The following PAK1 variants were observed in gnomAD, a reference collection of about 807,000 sequenced individuals.
PAK1 encodes the protein p21 (RAC1) activated kinase 1.
Under a neutral mutation model 67.4 loss-of-function variants are expected in PAK1, and 29 were observed. That is an observed-to-expected ratio of 0.43 (90% CI 0.32 to 0.59). PAK1 has a LOEUF of 0.59. Among genes scored for constraint, PAK1 ranks in the 20% least tolerant of loss-of-function variants. The probability of loss-of-function intolerance (pLI) is 0.07; values close to 1 mark genes in which losing one functional copy is unlikely to be tolerated. For synonymous variants in PAK1, 223 were observed against 237.4 expected, an observed-to-expected ratio of 0.94 and a Z score of 0.56; for missense variants, 337 against 670.7, an observed-to-expected ratio of 0.50 and a Z score of 5.50.
intron 5 of PAK1, among the ~76,000 whole-genome samples, chr11:77,368,577 T>G (rs1947932505): frequency 6.6e-6 from 1 of 152,180 alleles, no homozygotes; most frequent in African/African-American, 2.4e-5. Flanking sequence ...AAGACAATGG[T>G]GAAGGAAGAT....
chr11:77,495,161 C>CAA, the PAK1 span, among the ~76,000 whole-genome samples: 1 of 135,728 alleles, frequency 7.4e-6, no homozygotes, highest in Non-Finnish European at 1.6e-5. Context: ...GACTCTGTCT[C>CAA]AAAAAAAAAA....
chr11:77,381,707 C>T (rs559955415), intron 2 of PAK1, among the ~76,000 whole-genome samples: 3 of 152,322 alleles, frequency 2.0e-5, no homozygotes, highest in Middle Eastern at 3.4e-3. Context: ...ATAAATACTA[C>T]TACTGTCATT....
At chr11:77,332,374 GA>G (rs1362121321) in intron 14 of PAK1, among the ~76,000 whole-genome samples, 1 of 1,014 alleles carries the variant, frequency 9.9e-4, no homozygotes, top group Non-Finnish European at 2.4e-3. Flanking sequence ...GAAAGGAAGG[GA>G]AGGGAAGGGA....
intron 13 of PAK1, among the ~76,000 whole-genome samples, chr11:77,333,477 C>T (rs1186203992): frequency 2.0e-5 from 3 of 152,064 alleles, no homozygotes; most frequent in Admixed American, 2.0e-4. Context: ...GGATTACAGG[C>T]GTGAGTCACT....
At chr11:77,402,064 A>C (rs781205736) in intron 1 of PAK1, among the ~76,000 whole-genome samples, 7 of 152,252 alleles carry the variant, frequency 4.6e-5, no homozygotes, top group Non-Finnish European at 7.4e-5. Context: ...AAACACCTTT[A>C]TTTTATGGGA....
At chr11:77,450,739 C>G (rs1956817162) in intron 1 of PAK1, among the ~76,000 whole-genome samples, 1 of 152,168 alleles carries the variant, frequency 6.6e-6, no homozygotes, top group African/African-American at 2.4e-5. Context: ...AGACAGAGAT[C>G]ACAATGAAAA....
At chr11:77,489,862 G>C in the PAK1 span, among the ~76,000 whole-genome samples, 1 of 152,136 alleles carries the variant, frequency 6.6e-6, no homozygotes, top group East Asian at 1.9e-4. Context: ...GCCTCTGCCC[G>C]GCCACCACCC....
At chr11:77,517,531 G>T in the PAK1 span, among the ~76,000 whole-genome samples, 2 of 152,302 alleles carry the variant, frequency 1.3e-5, no homozygotes, top group African/African-American at 4.8e-5. Flanking sequence ...TTGGTCCTAG[G>T]TCAGCAGTCC....
intron 9 of PAK1, among the ~76,000 whole-genome samples, chr11:77,347,560 CATG>C (rs2136344733): frequency 6.6e-6 from 1 of 152,244 alleles, no homozygotes; most frequent in South Asian, 2.1e-4. Context: ...ATTAAAATGC[CATG>C]ATAATATTAT....
At chr11:77,527,343 T>A in the PAK1 span, among the ~76,000 whole-genome samples, 5 of 152,174 alleles carry the variant, frequency 3.3e-5, no homozygotes, top group Non-Finnish European at 7.3e-5. Context: ...GCTCAAGTAA[T>A]CTGCCCACCT....
intron 1 of PAK1, among the ~76,000 whole-genome samples, chr11:77,438,054 T>C (rs1956205488): frequency 6.6e-6 from 1 of 152,028 alleles, no homozygotes; most frequent in African/African-American, 2.4e-5. Context: ...CATCTATTTC[T>C]TTTCCAGCAT....
At chr11:77,344,345 A>C (rs1365928457) in intron 9 of PAK1, among the ~76,000 whole-genome samples, 1 of 152,260 alleles carries the variant, frequency 6.6e-6, no homozygotes, top group Non-Finnish European at 1.5e-5. Context: ...GCAAAAGCCA[A>C]GAATGCTTTC....
chr11:77,391,654 T>A (rs928794740), intron 2 of PAK1, among the ~76,000 whole-genome samples: 1 of 152,254 alleles, frequency 6.6e-6, no homozygotes, highest in Non-Finnish European at 1.5e-5. Flanking sequence ...ACCTTTATTT[T>A]ACAACCTTGT....
chr11:77,383,594 G>T (rs1950110804), intron 2 of PAK1, among the ~76,000 whole-genome samples: 1 of 152,112 alleles, frequency 6.6e-6, no homozygotes, highest in South Asian at 2.1e-4. Flanking sequence ...CAAAGTGCTG[G>T]TATTACAGGC....
At chr11:77,394,648 C>T (rs1951601098) in intron 1 of PAK1, among the ~76,000 whole-genome samples, 1 of 152,042 alleles carries the variant, frequency 6.6e-6, no homozygotes, top group Non-Finnish European at 1.5e-5. Context: ...AGATTGAGAC[C>T]ATCCTGGCCA....
At chr11:77,395,878 C>T (rs1951764898) in intron 1 of PAK1, among the ~76,000 whole-genome samples, 6 of 152,174 alleles carry the variant, frequency 3.9e-5, no homozygotes, top group Admixed American at 2.0e-4. Context: ...GTTTTCCCTC[C>T]CAACTGTAAC....
chr11:77,417,084 A>T (rs894922154), intron 1 of PAK1, among the ~76,000 whole-genome samples: 2 of 152,350 alleles, frequency 1.3e-5, no homozygotes, highest in Middle Eastern at 3.4e-3. Flanking sequence ...TATATCATAT[A>T]TGTGGCTCAT....
At chr11:77,507,732 C>A in the PAK1 span, among the ~76,000 whole-genome samples, 17 of 152,118 alleles carry the variant, frequency 1.1e-4, no homozygotes, top group African/African-American at 4.1e-4. Context: ...CCCTACATTG[C>A]CCTGGCTGGT....
chr11:77,451,666 T>A (rs1476153583), intron 1 of PAK1, among the ~76,000 whole-genome samples: 2 of 150,692 alleles, frequency 1.3e-5, no homozygotes, highest in Admixed American at 1.3e-4. Flanking sequence ...GTGGCACGAT[T>A]TCTGCTCACT....
Sources: gnomAD v4.1 joint callset for allele counts (sites outside exome capture counted in the v4.1 genomes callset) on GRCh38, gnomAD v4.1.1 for gene constraint, MANE v1.5 for transcripts, NCBI Gene and HGNC (gene_info 2026-07-23, HGNC 2026-07-21) for gene names.